The following GFRA1 variants were observed in gnomAD, a reference collection of about 807,000 sequenced individuals.
The protein encoded by GFRA1 is GDNF family receptor alpha-1.
Under a neutral mutation model 51.6 loss-of-function variants are expected in GFRA1, and 16 were observed. That is an observed-to-expected ratio of 0.31 (90% confidence interval 0.21 to 0.47). The LOEUF is 0.47. Ranked by LOEUF, GFRA1 falls within the 20% of genes least tolerant of loss-of-function variation. GFRA1 has a pLI of 1.00. For synonymous variants in GFRA1, 270 were observed against 241.3 expected (o/e 1.12, Z -1.10); for missense variants, 530 against 594.3 (o/e 0.89, Z 1.13).
chr10:116,125,168 G>A (rs778895222), intron 6 of GFRA1, 53 bp downstream of exon 6: 30 of 1,491,446 alleles, frequency 2.0e-5, no homozygotes, highest in Admixed American at 3.3e-5. Flanking sequence ...CGAAGCAGCC[G>A]CCAAGACTTT....
At chr10:116,255,507 C>CAAA in intron 4 of GFRA1, 38 of 636,630 alleles carry the variant, frequency 6.0e-5, no homozygotes, top group South Asian at 1.7e-4. Context: ...AAAAAAAAAA[C>CAAA]AAAAAAAAAA....
At chr10:116,255,401 T>C (rs932049361) in intron 4 of GFRA1, among the ~76,000 whole-genome samples, 8 of 152,008 alleles carry the variant, frequency 5.3e-5, no homozygotes, top group African/African-American at 1.9e-4. Context: ...CCATAGCCAG[T>C]GAACCTTATA....
intron 6 of GFRA1, among the ~76,000 whole-genome samples, chr10:116,098,808 T>C (rs1795291891): frequency 6.6e-6 from 1 of 152,248 alleles, no homozygotes; most frequent in African/African-American, 2.4e-5. Flanking sequence ...ACCTCGGAAT[T>C]GACTCACAAT....
chr10:116,214,629 C>G lies in GFRA1; in HGVS notation c.419-2984G>C, dbSNP rs1206169082. 1.1e-4 allele frequency among the ~76,000 whole-genome samples: 16 copies of G among 152,288 alleles called. No homozygotes were observed. In the South Asian group the frequency reaches 3.3e-3, roughly 32 times the overall value. ...AGTACAAATTAGAGATTTATCATTC[C>G]CCTCTAATGAATACAGACAAAAATT... is the stretch of plus-strand genomic sequence containing the variant. On this transcript the variant is annotated intron_variant, in intron 4 of 10. Coordinates refer to ENST00000355422, the MANE Select transcript of GFRA1 (RefSeq NM_005264.8).
At chr10:116,199,298 G>A (rs561858245) in intron 5 of GFRA1, among the ~76,000 whole-genome samples, 27 of 152,226 alleles carry the variant, frequency 1.8e-4, no homozygotes, top group Non-Finnish European at 2.9e-4. Context: ...CTCACCTGAC[G>A]CGCTGCAGCC....
At chr10:116,115,112 T>C (rs1010975880) in intron 6 of GFRA1, among the ~76,000 whole-genome samples, 9 of 152,250 alleles carry the variant, frequency 5.9e-5, no homozygotes, top group African/African-American at 2.2e-4. Flanking sequence ...ATTCTTGTTT[T>C]TCTTGGATGC....
At chr10:116,114,531 A>T (rs1211528726) in intron 6 of GFRA1, among the ~76,000 whole-genome samples, 1 of 152,116 alleles carries the variant, frequency 6.6e-6, no homozygotes, top group Non-Finnish European at 1.5e-5. Flanking sequence ...GAGTAATGGG[A>T]ATCTGCCCCC....
chr10:116,075,266 T>C (rs569682944), intron 9 of GFRA1, among the ~76,000 whole-genome samples: 5 of 152,220 alleles, frequency 3.3e-5, no homozygotes, highest in African/African-American at 1.2e-4. Flanking sequence ...GATCAAACAA[T>C]TGGTCTATTT....
At chr10:116,219,247 T>A (rs577739489) in intron 4 of GFRA1, among the ~76,000 whole-genome samples, 2 of 152,262 alleles carry the variant, frequency 1.3e-5, no homozygotes, top group African/African-American at 4.8e-5. Flanking sequence ...AAAAAATAGA[T>A]TTAGGAATAA....
At chr10:116,266,039 C>T (rs1249822244) in intron 4 of GFRA1, among the ~76,000 whole-genome samples, 1 of 152,182 alleles carries the variant, frequency 6.6e-6, no homozygotes, top group African/African-American at 2.4e-5. Context: ...TTAGATTCCA[C>T]CTTATTTTTG....
At chr10:116,232,037 T>C (rs1966709959) in intron 4 of GFRA1, among the ~76,000 whole-genome samples, 1 of 152,168 alleles carries the variant, frequency 6.6e-6, no homozygotes, top group African/African-American at 2.4e-5. Context: ...AGCAAACTGA[T>C]CATCTTCTTC....
chr10:116,236,180 T>C lies in GFRA1; in HGVS notation c.419-24535A>G, dbSNP rs935798090. 5.3e-5 allele frequency among the ~76,000 whole-genome samples: 8 copies of C among 152,190 alleles called. No individual in the cohort carries two copies. In the Middle Eastern group the frequency reaches 0.017, roughly 324 times the overall value. ...TGAACATGGACAACCCCTAGTGCCC[T>C]CTGAGGATAACAACCCCAGCCCATG... is the stretch of plus-strand genomic sequence containing the variant. On this transcript the variant is annotated intron_variant, in intron 4 of 10. Transcript: ENST00000355422.
At chr10:116,152,100 G>A (rs1487399267) in intron 5 of GFRA1, among the ~76,000 whole-genome samples, 2 of 152,208 alleles carry the variant, frequency 1.3e-5, no homozygotes, top group African/African-American at 4.8e-5. Flanking sequence ...AAAGGCTGAT[G>A]GGGCAAGATT....
At chr10:116,177,876 T>C (rs181984808) in intron 5 of GFRA1, among the ~76,000 whole-genome samples, 259 of 152,234 alleles carry the variant, frequency 1.7e-3, no homozygotes, top group Non-Finnish European at 3.0e-3. Context: ...GAATGTGCCA[T>C]GAAAGTGTCC....
intron 5 of GFRA1, among the ~76,000 whole-genome samples, chr10:116,160,191 C>G (rs76618445): frequency 6.6e-6 from 1 of 152,106 alleles, no homozygotes. Flanking sequence ...AATAATGTGG[C>G]AGGAAACATT....
At chr10:116,196,555 A>G (rs182962315) in intron 5 of GFRA1, among the ~76,000 whole-genome samples, 904 of 88,082 alleles carry the variant, frequency 0.01, 12 homozygotes, top group African/African-American at 0.034. Context: ...ATATTTTTAT[A>G]TATACTATAT....
At chr10:116,107,445 A>C (rs1430419109) in intron 6 of GFRA1, among the ~76,000 whole-genome samples, 1 of 152,252 alleles carries the variant, frequency 6.6e-6, no homozygotes, top group Non-Finnish European at 1.5e-5. Context: ...TAAGGTCTTC[A>C]TGTGTTCAGG....
At chr10:116,220,006 C>T (rs1272568605) in intron 4 of GFRA1, among the ~76,000 whole-genome samples, 1 of 152,066 alleles carries the variant, frequency 6.6e-6, no homozygotes, top group Non-Finnish European at 1.5e-5. Flanking sequence ...AGTTCTAAAG[C>T]ACGATGTTTT....
intron 5 of GFRA1, among the ~76,000 whole-genome samples, chr10:116,171,592 G>T (rs545260030): frequency 6.6e-4 from 100 of 152,220 alleles, no homozygotes; most frequent in Non-Finnish European, 1.1e-3. Context: ...GTAATAATTT[G>T]TAGCATAAAA....
Sources: gnomAD v4.1 joint callset for allele counts (sites outside exome capture counted in the v4.1 genomes callset) on GRCh38, gnomAD v4.1.1 for gene constraint, MANE v1.5 for transcripts, NCBI Gene and HGNC (gene_info 2026-07-23, HGNC 2026-07-21) for gene names.